The following MROH9 variants were observed in gnomAD, a reference collection of about 807,000 sequenced individuals.
MROH9 encodes maestro heat like repeat family member 9, also known as maestro heat-like repeat-containing protein family member 9.
In MROH9, 92 loss-of-function variants were observed where a neutral mutation model predicts 98.2. The ratio of observed to expected loss-of-function variants is 0.94; its 90% CI spans 0.79 to 1.11. The LOEUF (loss-of-function observed/expected upper bound fraction) is 1.11. MROH9 is among the 50% of genes most tolerant of loss of function. MROH9 has a pLI of 0.00. For missense variants in MROH9, 1,057 were observed against 1,014.8 expected, an observed-to-expected ratio of 1.04 and a Z score of -0.57; for synonymous variants, 397 against 368.9, an observed-to-expected ratio of 1.08 and a Z score of -0.87.
At chr1:170,959,332 A>G (rs573604792) in intron 4 of MROH9, 130 bp from the exon 5 acceptor site, 8 of 739,466 alleles carry the variant, frequency 1.1e-5, no homozygotes, top group Middle Eastern at 4.5e-4. Context: ...CCGAGATGGC[A>G]CCACTGCACT....
intron 6 of MROH9, 87 bp from the exon 7 acceptor site, chr1:170,965,064 C>A: frequency 1.2e-6 from 1 of 831,910 alleles, no homozygotes; most frequent in Non-Finnish European, 1.9e-6. Flanking sequence ...GTAGGAAGGC[C>A]TGATTTGGTG....
intron 20 of MROH9, among the ~76,000 whole-genome samples, chr1:171,043,329 G>A (rs1415733763): frequency 6.6e-6 from 1 of 151,974 alleles, no homozygotes; most frequent in Non-Finnish European, 1.5e-5. Flanking sequence ...CTGTTCCATT[G>A]GTCTGTGTGT....
At position 170,983,497 on chromosome 1, in the gene MROH9, C is replaced by G; in HGVS notation, c.692C>G (p.Pro231Arg). ...CCTTCTTCTGATGTAGAATTTCTAC[C>G]CAAGGAGTTTCAACAAGACGAAAGT... is the stretch of plus-strand genomic sequence containing the variant. Reference protein sequence around the residue: ...QFPSSDVEFLPKEFQQDESKI... With the variant: ...QFPSSDVEFLRKEFQQDESKI... The change falls in exon 9 of 22, where the codon CCC (proline) becomes CGC (arginine). Residue 231 changes from proline (P) to arginine (R), a missense_variant. By Grantham distance (103) the Pro-to-Arg change is moderately radical. Transcript: ENST00000367759. 6.2e-7 allele frequency: 1 copy of G among 1,612,898 alleles called. No homozygotes were observed. Among genetic ancestry groups the G allele is most frequent in the Non-Finnish European group, 8.5e-7 (1 of 1,179,264 alleles).
At chr1:170,974,281 T>G (rs1650596669) in intron 8 of MROH9, among the ~76,000 whole-genome samples, 1 of 152,006 alleles carries the variant, frequency 6.6e-6, no homozygotes, top group South Asian at 2.1e-4. Flanking sequence ...AATTTTCAAA[T>G]GTAATAAAAG....
In MROH9 at chr1:171,034,893, C is replaced by T. The variant is rs77225649; in HGVS notation, c.2281+9473C>T. Among the ~76,000 whole-genome samples the T allele has an allele frequency of 6.9e-3, 1,049 of 151,684 alleles. 12 individuals are homozygous for T. The highest frequency in any genetic ancestry group is 0.024 in the African/African-American group (1,010 of 41,302). ...AGAATAGAAAGCCTATAAACAGATCCACACATATACCTAATATATATCAGA... is the reference window on the plus strand; with the variant it reads ...AGAATAGAAAGCCTATAAACAGATCTACACATATACCTAATATATATCAGA... On this transcript the variant is annotated intron_variant, in intron 20 of 21. Transcript: ENST00000367759.
At chr1:170,980,843 T>C (rs530005788) in intron 8 of MROH9, among the ~76,000 whole-genome samples, 1 of 152,178 alleles carries the variant, frequency 6.6e-6, no homozygotes, top group Admixed American at 6.5e-5. Flanking sequence ...ACCTACAGAA[T>C]GGGAGAAAAT....
intron 11 of MROH9, among the ~76,000 whole-genome samples, chr1:170,991,907 T>C (rs531279439): frequency 6.6e-6 from 1 of 152,164 alleles, no homozygotes; most frequent in African/African-American, 2.4e-5. Flanking sequence ...GACATTTAAA[T>C]TGCAGTAGAA....
chr1:171,001,469 CTT>C (rs1332870964), intron 15 of MROH9, among the ~76,000 whole-genome samples: 1 of 151,964 alleles, frequency 6.6e-6, no homozygotes, highest in Non-Finnish European at 1.5e-5. Context: ...AGTGCAAAAA[CTT>C]TTTTAAATTT....
At chr1:170,965,073 T>C in intron 6 of MROH9, 78 bp from the exon 7 acceptor site, 1 of 933,434 alleles carries the variant, frequency 1.1e-6, no homozygotes, top group Non-Finnish European at 1.7e-6. Flanking sequence ...CCTGATTTGG[T>C]GAAGTTGAAG....
chr1:170,961,685 A>T (rs960114018), intron 5 of MROH9, among the ~76,000 whole-genome samples: 29 of 152,226 alleles, frequency 1.9e-4, no homozygotes, highest in African/African-American at 7.0e-4. Flanking sequence ...TTCTTTGTAT[A>T]TTTTTTAATA....
intron 20 of MROH9, among the ~76,000 whole-genome samples, chr1:171,042,583 G>T (rs1653342633): frequency 6.6e-6 from 1 of 152,012 alleles, no homozygotes; most frequent in Admixed American, 6.6e-5. Context: ...CATAGCAGCT[G>T]TACTAATTTA....
At position 171,014,221 on chromosome 1, in the gene MROH9, T is replaced by C. The variant is rs1388919939; in HGVS notation, c.1701T>C (p.His567=). ...SNPVVSRLIL[H]RIVHMSPIIN... is the part of the protein sequence containing the mutation. ...CTGTAGTTAGCAGACTGATCCTTCA[T>C]AGAATTGTCCACATGTCACCAATTA... Residue 567 remains histidine, a synonymous_variant, in exon 16 of 22, where the codon CAT becomes CAC. Transcript: ENST00000367759. The C allele has an allele frequency of 1.9e-6, 3 of 1,551,372 alleles. No individual in the cohort carries two copies. The highest frequency in any genetic ancestry group is 3.9e-5 in the Admixed American group (2 of 51,002).
intron 14 of MROH9, 65 bp downstream of exon 14, chr1:170,996,709 T>A (rs1472014160): frequency 1.3e-6 from 2 of 1,529,484 alleles, no homozygotes; most frequent in African/African-American, 1.4e-5. Flanking sequence ...CTTCCTTCAA[T>A]AAGCCATGCG....
At chr1:171,052,196 T>G (rs1653690679) in intron 20 of MROH9, among the ~76,000 whole-genome samples, 1 of 152,248 alleles carries the variant, frequency 6.6e-6, no homozygotes, top group South Asian at 2.1e-4. Context: ...TATAGTAGTC[T>G]CTGATGATCT....
intron 11 of MROH9, among the ~76,000 whole-genome samples, chr1:170,990,397 A>G (rs1651312233): frequency 6.6e-6 from 1 of 152,172 alleles, no homozygotes; most frequent in Admixed American, 6.6e-5. Flanking sequence ...TTTCTTGTTT[A>G]TGAAGGACAG....
At chr1:170,952,749 TAA>T (rs902663907) in intron 3 of MROH9, among the ~76,000 whole-genome samples, 24 of 147,984 alleles carry the variant, frequency 1.6e-4, no homozygotes, top group African/African-American at 2.7e-4. Context: ...TAAAGTATAA[TAA>T]AAAATATATA....
intron 7 of MROH9, among the ~76,000 whole-genome samples, chr1:170,970,598 T>C (rs1390908742): frequency 6.6e-6 from 1 of 152,160 alleles, no homozygotes; most frequent in South Asian, 2.1e-4. Context: ...TTATAATCTC[T>C]CTTCTCCTAC....
intron 11 of MROH9, among the ~76,000 whole-genome samples, chr1:170,991,197 C>T (rs1205361911): frequency 6.6e-6 from 1 of 152,114 alleles, no homozygotes; most frequent in East Asian, 1.9e-4. Flanking sequence ...AAGCTGCTAC[C>T]AGCAGGTCTA....
chr1:170,938,834 G>A (rs373125151), intron 1 of MROH9, among the ~76,000 whole-genome samples: 14 of 152,150 alleles, frequency 9.2e-5, no homozygotes, highest in African/African-American at 3.4e-4. Flanking sequence ...ATCACTCTGG[G>A]CCACATCAAG....
Sources: gnomAD v4.1 joint callset for allele counts (sites outside exome capture counted in the v4.1 genomes callset) on GRCh38, gnomAD v4.1.1 for gene constraint, MANE v1.5 for transcripts, NCBI Gene and HGNC (gene_info 2026-07-23, HGNC 2026-07-21) for gene names.